SPIB: variants seen among roughly 807,000 people sequenced by gnomAD.
SPIB encodes Spi-B transcription factor.
A neutral mutation model predicts 31.9 loss-of-function variants in SPIB; 7 were observed. That is an observed-to-expected ratio of 0.22 (90% CI 0.12 to 0.41). The LOEUF is 0.41. Among genes scored for constraint, SPIB ranks in the 10% least tolerant of loss-of-function variants. SPIB has a pLI of 1.00. For synonymous variants in SPIB, 176 were observed against 158.9 expected, an observed-to-expected ratio of 1.11 and a Z score of -0.81; for missense variants, 327 against 360.2, an observed-to-expected ratio of 0.91 and a Z score of 0.75.
rs1309376076 is a variant in SPIB at position 50,431,044 on chromosome 19, C to T, written c.*2708C>T. On this transcript the variant is annotated 3_prime_UTR_variant, in exon 6 of 6. Coordinates refer to ENST00000595883, the MANE Select transcript of SPIB (RefSeq NM_003121.5). ...TGTGGAATAAAATAAGATGCATCGA[C>T]GTAGACAAACCTCCTGGGACCTTTT... The T allele has an allele frequency of 1.3e-5, 2 of 152,254 alleles. No homozygotes were observed. The highest frequency in any genetic ancestry group is 1.9e-4 in the East Asian group (1 of 5,194). 9.4% of individuals were successfully genotyped at this position (152,254 alleles called of 1,614,324 possible). A position where few individuals can be genotyped will look rare whatever the true frequency, so the allele number is the denominator to read the frequency against.
chr19:50,423,248 A>G, intron 4 of SPIB: 1 of 454,808 alleles, frequency 2.2e-6, no homozygotes. Context: ...ACTCAAGCTC[A>G]GTCATTTGGT....
chr19:50,422,939 C>G lies in SPIB; in HGVS notation c.241C>G (p.Pro81Ala). The change falls in exon 4 of 6, where the codon CCC becomes GCC. Residue 81 changes from proline (P) to alanine (A), a missense_variant. Physicochemically the swap from Pro to Ala is conservative, Grantham distance 27. Coordinates refer to ENST00000595883, the MANE Select transcript of SPIB (RefSeq NM_003121.5). ...PQAAQLCYEP[P>A]TYSPAGNLEL... ...GGCTGCCCAGCTCTGCTACGAACCC[C>G]CCACCTACAGCCCTGCAGGGAACCT... 2 of 1,597,060 alleles carry G rather than the reference C, an allele frequency of 1.3e-6. No homozygotes were observed. The highest frequency in any genetic ancestry group is 1.7e-6 in the Non-Finnish European group (2 of 1,167,600).
At position 50,418,983 on chromosome 19, in the gene SPIB, A is replaced by C; in HGVS notation, c.21A>C (p.Ala7=). The C allele has an allele frequency of 6.4e-7, 1 of 1,553,338 alleles. No individual in the cohort carries two copies. The highest frequency in any genetic ancestry group is 2.4e-5 in the East Asian group (1 of 41,102). Residue 7 remains alanine (A), a splice_region_variant and synonymous_variant, in exon 1 of 6, where the codon GCA becomes GCC. Transcript: ENST00000595883. This position sits in a 1 kb window ranked among gnomAD's most constrained non-coding sequence, Gnocchi z 6.0. The stretch of plus-strand genomic sequence containing the variant: ...CCACCATGCTCGCCCTGGAGGCTGC[A>C]CAGTAAGTGAGGGCCCCCAAACCTG... The part of the protein sequence containing the change: MLALEA[A]QLDGPHFSCL...
intron 1 of SPIB, 88 bp downstream of exon 1, chr19:50,419,073 C>A: frequency 6.7e-7 from 1 of 1,481,566 alleles, no homozygotes; most frequent in East Asian, 2.5e-5. Flanking sequence ...GGTTTCTCTG[C>A]TCCTCACGGC....
intron 2 of SPIB, among the ~76,000 whole-genome samples, chr19:50,422,189 G>A (rs913151626): frequency 3.3e-5 from 5 of 152,192 alleles, no homozygotes; most frequent in African/African-American, 1.2e-4. Flanking sequence ...GCCCTGATTC[G>A]CTGACTGTGT....
intron 2 of SPIB, among the ~76,000 whole-genome samples, chr19:50,421,321 T>A (rs938197588): frequency 6.6e-6 from 1 of 151,920 alleles, no homozygotes; most frequent in Non-Finnish European, 1.5e-5. Flanking sequence ...ATATGGAGAT[T>A]TATTTATTTA....
chr19:50,422,584 C>G (rs775593347), intron 3 of SPIB, 39 bp downstream of exon 3: 1 of 1,602,700 alleles, frequency 6.2e-7, no homozygotes, highest in Non-Finnish European at 8.5e-7. Context: ...TGCCTTGGGG[C>G]CCATTTCACA....
chr19:50,427,986 G>T, intron 5 of SPIB, 52 bp from the exon 6 acceptor site: 1 of 1,447,878 alleles, frequency 6.9e-7, no homozygotes, highest in East Asian at 2.6e-5. Context: ...GGATGGGGAA[G>T]GCGGGGCCTT....
At chr19:50,421,352 T>C (rs2039491041) in intron 2 of SPIB, among the ~76,000 whole-genome samples, 1 of 151,982 alleles carries the variant, frequency 6.6e-6, no homozygotes, top group Non-Finnish European at 1.5e-5. Context: ...GAGACAGAGT[T>C]TTGCTCTGTC....
At chr19:50,427,308 TGAGGCCAGGAGTTC>T in intron 5 of SPIB, among the ~76,000 whole-genome samples, 1 of 152,138 alleles carries the variant, frequency 6.6e-6, no homozygotes, top group Admixed American at 6.6e-5. Context: ...GCGGATCACC[TGAGGCCAGGAGTTC>T]GAGACCAGCC....
Position 50,423,729 on chromosome 19 carries a change from G to T in SPIB, c.464G>T (p.Gly155Val). 6.2e-7 allele frequency: 1 copy of T among 1,611,448 alleles called. No homozygotes were observed. Among genetic ancestry groups the T allele is most frequent in the South Asian group, 1.1e-5 (1 of 90,610 alleles). ...GAGTCGGATGAGGCCCTCGTGGCTG[G>T]CCCCGAGGGGAAGGGATCCGAGGCA... Reference protein sequence around the residue: ...DSESDEALVAGPEGKGSEAGT... With the variant: ...DSESDEALVAVPEGKGSEAGT... Residue 155 changes from glycine to valine, a missense_variant, in exon 5 of 6, where the codon GGC becomes GTC. Physicochemically the swap from Gly to Val is moderately radical, Grantham distance 109 (BLOSUM62 -3). Coordinates refer to ENST00000595883, the MANE Select transcript of SPIB (RefSeq NM_003121.5).
Position 50,419,943 on chromosome 19 carries a change from C to T in SPIB, c.24-3C>T. 5 of 1,530,076 alleles carry T rather than the reference C, an allele frequency of 3.3e-6. No individual in the cohort carries two copies. The highest frequency in any genetic ancestry group is 1.3e-5 in the South Asian group (1 of 78,680). The allele number at this position is 1,530,076 out of a possible 1,614,324, so 94.8% of individuals were successfully genotyped here. On this transcript the variant is annotated splice_polypyrimidine_tract_variant and splice_region_variant and intron_variant, in intron 1 of 5. Transcript: ENST00000595883. ...GCATGCCCCTGTGTCTCTCCCCCTC[C>T]AGGCTCGACGGGCCACACTTCAGCT...
Position 50,428,523 on chromosome 19 carries a change from C to T in SPIB, c.*187C>T, listed in dbSNP as rs900171073. The T allele has an allele frequency of 1.2e-4, 71 of 584,260 alleles. No individual in the cohort carries two copies. The African/African-American group carries it at 1.7e-3, about 14-fold the overall frequency. The allele number at this position is 584,260 out of a possible 1,614,324, so 36.2% of individuals were successfully genotyped here. A position where few individuals can be genotyped will look rare whatever the true frequency, so the allele number is the denominator to read the frequency against. On this transcript the variant is annotated 3_prime_UTR_variant, in exon 6 of 6. Coordinates refer to ENST00000595883, the MANE Select transcript of SPIB (RefSeq NM_003121.5). This position sits in a 1 kb window ranked among gnomAD's most constrained non-coding sequence, Gnocchi z 6.5. ...CAGCCCGGGCCTGTCTGGGATTCCC[C>T]ACTTGTGCCTGGGGTCCTCTGGGAT... is the stretch of plus-strand genomic sequence containing the variant.
Position 50,422,935 on chromosome 19 carries a change from AC to A in SPIB, c.243del (p.Thr82ProfsTer98), listed in dbSNP as rs1333414826. On this transcript the variant is annotated frameshift_variant, in exon 4 of 6. Coordinates refer to ENST00000595883, the MANE Select transcript of SPIB (RefSeq NM_003121.5). LOFTEE classifies it high-confidence loss of function. ...CCCAGGCTGCCCAGCTCTGCTACGA[AC>A]CCCCCACCTACAGCCCTGCAGGGAA... ...HPQAAQLCYE[P>X]PTYSPAGNLE... 6.9e-6 allele frequency: 11 copies of A among 1,589,090 alleles called. No homozygotes were observed. Among genetic ancestry groups the A allele is most frequent in the Non-Finnish European group, 8.6e-6 (10 of 1,163,436 alleles).
intron 2 of SPIB, among the ~76,000 whole-genome samples, 175 bp downstream of exon 2, chr19:50,420,148 C>A (rs981698637): frequency 6.6e-6 from 1 of 152,246 alleles, no homozygotes; most frequent in East Asian, 1.9e-4. Flanking sequence ...CTCTCTCCCC[C>A]TCTCAGGCTT....
At chr19:50,419,260 ACT>A (rs1193216965) in intron 1 of SPIB, among the ~76,000 whole-genome samples, 5 of 151,318 alleles carry the variant, frequency 3.3e-5, no homozygotes, top group Non-Finnish European at 7.4e-5. Flanking sequence ...CGTGGCTCTC[ACT>A]CTGTCCATCC....
intron 2 of SPIB, 36 bp from the exon 3 acceptor site, chr19:50,422,437 G>A (rs2039507520): frequency 1.2e-6 from 2 of 1,607,202 alleles, no homozygotes; most frequent in Non-Finnish European, 1.7e-6. Flanking sequence ...CCCAAGGCCT[G>A]GGATGACCCC....
At chr19:50,426,324 C>T (rs1306258246) in intron 5 of SPIB, among the ~76,000 whole-genome samples, 1 of 152,072 alleles carries the variant, frequency 6.6e-6, no homozygotes, top group Non-Finnish European at 1.5e-5. Flanking sequence ...CCATGCAGGG[C>T]CGTCAAGTAG....
At position 50,423,652 on chromosome 19, in the gene SPIB, A is replaced by G. The variant is rs997390124; in HGVS notation, c.387A>G (p.Ser129=). Residue 129 remains serine, a synonymous_variant, in exon 5 of 6, where the codon TCA becomes TCG. Transcript: ENST00000595883. ...CCCCGTACCCCAGCCCTGTGCTATC[A>G]GAGGAGGAAGACTTACCGTTGGACA... ...AYAPYPSPVL[S]EEEDLPLDSP... 2 of 1,614,042 alleles carry G rather than the reference A, an allele frequency of 1.2e-6. No individual in the cohort carries two copies. The highest frequency in any genetic ancestry group is 1.7e-6 in the Non-Finnish European group (2 of 1,179,994).
Sources: gnomAD v4.1 joint callset for allele counts (sites outside exome capture counted in the v4.1 genomes callset) on GRCh38, gnomAD v4.1.1 for gene constraint, Gnocchi (gnomAD v3.1) non-coding constraint, MANE v1.5 for transcripts, NCBI Gene and HGNC (gene_info 2026-07-23, HGNC 2026-07-21) for gene names.